Variants in ADH7 observed in about 807,000 individuals in gnomAD.
ADH7 encodes the protein all-trans-retinol dehydrogenase [NAD(+)] ADH7.
A neutral mutation model predicts 34.4 loss-of-function variants in ADH7; 41 were observed. That is an observed-to-expected ratio of 1.19 (90% CI 0.93 to 1.55). ADH7 has a LOEUF of 1.55. ADH7 is among the 40% of genes most tolerant of loss of function. ADH7 has a pLI of 0.00. For synonymous variants in ADH7, 180 were observed against 160.9 expected, an observed-to-expected ratio of 1.12 and a Z score of -0.90; for missense variants, 540 against 461.2, an observed-to-expected ratio of 1.17 and a Z score of -1.56.
chr4:99,413,227 G>C lies in ADH7; in HGVS notation c.1101-55C>G, dbSNP rs972729179. The C allele has an allele frequency of 8.2e-6, 13 of 1,585,326 alleles. No individual in the cohort carries two copies. In the Admixed American group the frequency reaches 1.0e-4, roughly 12 times the overall value. On this transcript the variant is annotated intron_variant, in intron 8 of 8. Coordinates refer to ENST00000437033, the MANE Select transcript of ADH7 (RefSeq NM_000673.7). ...CTTGTTTTCATATCTTTCAAGAAAG[G>C]ATAGTTTAAACAATTGTCCTTTCTA...
At chr4:99,430,856 G>A (rs1459129389) in intron 1 of ADH7, among the ~76,000 whole-genome samples, 2 of 151,982 alleles carry the variant, frequency 1.3e-5, no homozygotes, top group African/African-American at 4.8e-5. Context: ...GGAGTGTAGT[G>A]GCGCAATCTG....
In ADH7 at chr4:99,420,654, A is replaced by G; in HGVS notation, c.704T>C (p.Val235Ala). The change falls in exon 6 of 9, where the codon GTA (valine) becomes GCA (alanine). Residue 235 changes from valine to alanine, a missense_variant. Physicochemically the swap from Val to Ala is moderately conservative, Grantham distance 64. Coordinates refer to ENST00000437033, the MANE Select transcript of ADH7 (RefSeq NM_000673.7). ...GGGACTGATACACTCAGTGGCACCT[A>G]CAGCCATGGCCTTCTCAAATTTGTC... is the stretch of plus-strand genomic sequence containing the variant. ...NKDKFEKAMA[V>A]GATECISPKD... is the part of the protein sequence containing the mutation. 1.9e-6 allele frequency: 3 copies of G among 1,613,948 alleles called. No homozygotes were observed. The highest frequency in any genetic ancestry group is 1.7e-5 in the Admixed American group (1 of 59,964).
At chr4:99,415,354 T>A in intron 8 of ADH7, 124 bp downstream of exon 8, 1 of 1,027,004 alleles carries the variant, frequency 9.7e-7, no homozygotes, top group Non-Finnish European at 1.5e-6. Context: ...AGTAATTAGC[T>A]GTATCAATCT....
At chr4:99,419,255 A>G in intron 6 of ADH7, 134 bp from the exon 7 acceptor site, 1 of 1,129,156 alleles carries the variant, frequency 8.9e-7, no homozygotes, top group Non-Finnish European at 1.2e-6. Context: ...TGCTTTAAAA[A>G]AATTTCAGTG....
In ADH7 at chr4:99,420,712, C is replaced by A. The variant is rs769541065; in HGVS notation, c.646G>T (p.Ala216Ser). 5.0e-6 allele frequency: 8 copies of A among 1,613,936 alleles called. No homozygotes were observed. The South Asian group carries it at 7.7e-5, about 16-fold the overall frequency. ...AGGTCAATCCCAATGATCCTAGATG[C>A]ACCAGCTGACTTACAGCCCATGATG... ...SVIMGCKSAG[A>S]SRIIGIDLNK... Residue 216 changes from alanine (A) to serine (S), a missense_variant, in exon 6 of 9, where the codon GCA becomes TCA. Coordinates refer to ENST00000437033, the MANE Select transcript of ADH7 (RefSeq NM_000673.7).
At chr4:99,421,974 A>T (rs1377503459) in intron 5 of ADH7, among the ~76,000 whole-genome samples, 1 of 152,246 alleles carries the variant, frequency 6.6e-6, no homozygotes, top group Non-Finnish European at 1.5e-5. Context: ...GCCAGTCAGA[A>T]TGGCGATTAT....
chr4:99,414,934 T>G (rs191171141), intron 8 of ADH7, among the ~76,000 whole-genome samples: 1 of 152,312 alleles, frequency 6.6e-6, no homozygotes, highest in East Asian at 1.9e-4. Context: ...TATAGTACAA[T>G]GGCATACTAA....
chr4:99,416,484 C>T (rs1721518265), intron 7 of ADH7, among the ~76,000 whole-genome samples: 1 of 152,158 alleles, frequency 6.6e-6, no homozygotes, highest in Non-Finnish European at 1.5e-5. Flanking sequence ...TTCTGAAACA[C>T]TCTGTTCCCT....
chr4:99,429,721 A>T, intron 1 of ADH7, 88 bp from the exon 2 acceptor site: 1 of 832,146 alleles, frequency 1.2e-6, no homozygotes, highest in Non-Finnish European at 1.8e-6. Flanking sequence ...ACAGAAGAGC[A>T]TATATAATAT....
chr4:99,418,955 A>C (rs772199864), intron 7 of ADH7, 31 bp downstream of exon 7: 3 of 1,609,756 alleles, frequency 1.9e-6, no homozygotes, highest in African/African-American at 1.3e-5. Context: ...GAAAGCCATC[A>C]CTCCCCATCC....
intron 7 of ADH7, among the ~76,000 whole-genome samples, chr4:99,418,509 T>G (rs573924220): frequency 7.2e-5 from 11 of 152,150 alleles, no homozygotes; most frequent in South Asian, 2.1e-4. Flanking sequence ...CAATATTAAT[T>G]GTTGAGTGAT....
intron 5 of ADH7, among the ~76,000 whole-genome samples, chr4:99,424,971 C>T (rs1348849635): frequency 1.3e-5 from 2 of 152,010 alleles, no homozygotes; most frequent in Non-Finnish European, 2.9e-5. Flanking sequence ...AAAGGGAATG[C>T]TTCCAGTTTT....
chr4:99,415,259 T>C (rs970242569), intron 8 of ADH7: 1 of 505,070 alleles, frequency 2.0e-6, no homozygotes, highest in African/African-American at 2.0e-5. Context: ...CAATTGAATC[T>C]GTTTGCTTTA....
In ADH7 at chr4:99,420,630, G is replaced by C. The variant is rs543439973; in HGVS notation, c.728C>G (p.Pro243Arg). The C allele has an allele frequency of 8.1e-6, 13 of 1,613,814 alleles. No homozygotes were observed. Among genetic ancestry groups the C allele is most frequent in the Non-Finnish European group, 1.0e-5 (12 of 1,179,904 alleles). Residue 243 changes from proline to arginine, a missense_variant, in exon 6 of 9, where the codon CCC becomes CGC. Physicochemically the swap from Pro to Arg is moderately radical, Grantham distance 103 (BLOSUM62 -2). Transcript: ENST00000437033. The part of the protein sequence containing the change: ...MAVGATECIS[P>R]KDSTKPISEV... ...ACTGATGGGTTTGGTAGAGTCCTTG[G>C]GACTGATACACTCAGTGGCACCTAC... is the stretch of plus-strand genomic sequence containing the variant.
Position 99,415,491 on chromosome 4 carries a change from T to C in ADH7, c.1087A>G (p.Asn363Asp). 1 of 1,612,454 alleles carries C rather than the reference T, an allele frequency of 6.2e-7. No individual in the cohort carries two copies. The highest frequency in any genetic ancestry group is 1.7e-4 in the Middle Eastern group (1 of 6,052). ...AGAAACAGTTACCTTTGTCCTGAAT[T>C]GAGCAGCTCAAATCCTTCACTGATT... ...KKISEGFELL[N>D]SGQSIRTVLT... is the part of the protein sequence containing the mutation. The change falls in exon 8 of 9, where the codon AAT (asparagine) becomes GAT (aspartate). Residue 363 changes from asparagine (N) to aspartate (D), a missense_variant. By Grantham distance (23) the Asn-to-Asp change is conservative. Transcript: ENST00000437033.
intron 6 of ADH7, 113 bp downstream of exon 6, chr4:99,420,420 A>T: frequency 1.6e-6 from 2 of 1,243,166 alleles, no homozygotes; most frequent in Non-Finnish European, 2.2e-6. Flanking sequence ...AAAACTGACT[A>T]TCGCAGAGAT....
At chr4:99,433,557 G>A (rs150367060) in intron 1 of ADH7, among the ~76,000 whole-genome samples, 72 of 152,186 alleles carry the variant, frequency 4.7e-4, no homozygotes, top group Non-Finnish European at 8.7e-4. Context: ...CTAACCCCCC[G>A]TACCTCAGAA....
chr4:99,419,725 T>C (rs1325956481), intron 6 of ADH7, among the ~76,000 whole-genome samples: 1 of 152,158 alleles, frequency 6.6e-6, no homozygotes, highest in Non-Finnish European at 1.5e-5. Context: ...ATATCCAGTA[T>C]CACATATGGC....
chr4:99,422,935 G>A (rs561439028), intron 5 of ADH7, among the ~76,000 whole-genome samples: 2 of 144,738 alleles, frequency 1.4e-5, no homozygotes, highest in African/African-American at 5.1e-5. Context: ...GTGCAGGTTA[G>A]TTACATATGT....
Sources: gnomAD v4.1 joint callset for allele counts (sites outside exome capture counted in the v4.1 genomes callset) on GRCh38, gnomAD v4.1.1 for gene constraint, MANE v1.5 for transcripts, NCBI Gene and HGNC (gene_info 2026-07-23, HGNC 2026-07-21) for gene names.